ATL2: variants seen among roughly 807,000 people sequenced by gnomAD.
ATL2 encodes atlastin-2.
Under a neutral mutation model 73.9 loss-of-function variants are expected in ATL2, and 31 were observed. The ratio of observed to expected loss-of-function variants is 0.42; its 90% confidence interval spans 0.32 to 0.57. The LOEUF (loss-of-function observed/expected upper bound fraction) is 0.57, where lower values mean the gene tolerates loss of function less well. Among genes scored for constraint, ATL2 ranks in the 20% least tolerant of loss-of-function variants. The pLI is 0.14. For synonymous variants in ATL2, 291 were observed against 237.5 expected, an observed-to-expected ratio of 1.23 and a Z score of -2.07; for missense variants, 738 against 702.6, an observed-to-expected ratio of 1.05 and a Z score of -0.57.
At chr2:38,353,323 C>A (rs932205120) in intron 1 of ATL2, among the ~76,000 whole-genome samples, 1 of 152,090 alleles carries the variant, frequency 6.6e-6, no homozygotes, top group Non-Finnish European at 1.5e-5. Flanking sequence ...GAAATACTCA[C>A]TGGATGGACA....
At chr2:38,309,998 A>G (rs1161033535) in intron 8 of ATL2, among the ~76,000 whole-genome samples, 1 of 152,210 alleles carries the variant, frequency 6.6e-6, no homozygotes, top group Non-Finnish European at 1.5e-5. Flanking sequence ...TTTCATCAAT[A>G]TAATAAAATG....
intron 1 of ATL2, among the ~76,000 whole-genome samples, chr2:38,370,985 A>G (rs985661700): frequency 6.6e-6 from 1 of 151,826 alleles, no homozygotes; most frequent in Non-Finnish European, 1.5e-5. Flanking sequence ...GGAAAAAAAT[A>G]CAAAAAGATA....
In ATL2 at chr2:38,294,205, T is replaced by C. The variant is rs763338978; in HGVS notation, c.*1789A>G. On this transcript the variant is annotated 3_prime_UTR_variant, in exon 13 of 13. Coordinates refer to ENST00000378954, the MANE Select transcript of ATL2 (RefSeq NM_001135673.4). ...GCGAAGATGTATCAACCAAAGTAAA[T>C]TCAGAGTTTTCACACATGCAACTCA... Among the ~76,000 whole-genome samples the C allele has an allele frequency of 6.6e-6, 1 of 152,142 alleles. No individual in the cohort carries two copies. The highest frequency in any genetic ancestry group is 1.5e-5 in the Non-Finnish European group (1 of 68,028).
At chr2:38,298,640 C>G in intron 11 of ATL2, 65 bp from the exon 12 acceptor site, 1 of 1,517,510 alleles carries the variant, frequency 6.6e-7, no homozygotes, top group South Asian at 1.3e-5. Flanking sequence ...AGTTCCTGTT[C>G]ATAGTTTTTA....
At chr2:38,369,219 G>A (rs1671522574) in intron 1 of ATL2, among the ~76,000 whole-genome samples, 1 of 152,062 alleles carries the variant, frequency 6.6e-6, no homozygotes, top group Admixed American at 6.5e-5. Context: ...GGAGGCCAAG[G>A]TGGGTGGATC....
Position 38,363,376 on chromosome 2 carries a change from G to A in ATL2, c.118+13767C>T, listed in dbSNP as rs1266206539. Among the ~76,000 whole-genome samples the A allele has an allele frequency of 6.7e-5, 10 of 149,146 alleles. No individual in the cohort carries two copies. In the Admixed American group the frequency reaches 6.8e-4, roughly 10 times the overall value. The stretch of plus-strand genomic sequence containing the variant: ...AAGTTGTTTATTAAAAAGGTGGGGG[G>A]GGGGGTTATTTATCATCTTTATAAC... On this transcript the variant is annotated intron_variant, in intron 1 of 12. Coordinates refer to ENST00000378954, the MANE Select transcript of ATL2 (RefSeq NM_001135673.4).
At chr2:38,333,928 G>A (rs1326293702) in intron 2 of ATL2, among the ~76,000 whole-genome samples, 1 of 151,410 alleles carries the variant, frequency 6.6e-6, no homozygotes, top group African/African-American at 2.4e-5. Flanking sequence ...GCATAGGGAA[G>A]AATTAAAACT....
chr2:38,300,642 T>A (rs1667137354), intron 9 of ATL2, among the ~76,000 whole-genome samples: 1 of 152,116 alleles, frequency 6.6e-6, no homozygotes, highest in Non-Finnish European at 1.5e-5. Context: ...TTAATATTTT[T>A]AAAAAACTTT....
At position 38,294,615 on chromosome 2, in the gene ATL2, A is replaced by C. The variant is rs1313238929; in HGVS notation, c.*1379T>G. 6.7e-6 allele frequency among the ~76,000 whole-genome samples: 1 copy of C among 150,316 alleles called. No individual in the cohort carries two copies. Among genetic ancestry groups the C allele is most frequent in the African/African-American group, 2.5e-5 (1 of 40,356 alleles). On this transcript the variant is annotated 3_prime_UTR_variant, in exon 13 of 13. Transcript: ENST00000378954. ...CAAAGAAGACCACAAAAGTACTGAAAAAATGCTAGCCTTACATATACCACC... is the reference window on the plus strand; with the variant it reads ...CAAAGAAGACCACAAAAGTACTGAACAAATGCTAGCCTTACATATACCACC...
At chr2:38,296,269 TACTAG>T in intron 12 of ATL2, 156 bp from the exon 13 acceptor site, 1 of 1,437,762 alleles carries the variant, frequency 7.0e-7, no homozygotes, top group Non-Finnish European at 9.1e-7. Context: ...CTTATGATGC[TACTAG>T]ACATTTTATA....
rs1210034133 is a variant in ATL2, at chr2:38,294,529, CAGAG to C, written c.*1461_*1464del. Among the ~76,000 whole-genome samples the C allele has an allele frequency of 2.0e-5, 3 of 151,892 alleles. No homozygotes were observed. The highest frequency in any genetic ancestry group is 2.1e-4 in the South Asian group (1 of 4,822). ...CACCACTGCACTCCAGCCTGGGTGA[CAGAG>C]AGAGACTCCGTCTCAAAAAAGAAAC... On this transcript the variant is annotated 3_prime_UTR_variant, in exon 13 of 13. Transcript: ENST00000378954.
At chr2:38,348,452 G>A (rs958791483) in intron 1 of ATL2, among the ~76,000 whole-genome samples, 2 of 148,648 alleles carry the variant, frequency 1.3e-5, no homozygotes, top group Admixed American at 6.6e-5. Context: ...GGCAACAAGA[G>A]CGAAACTCCA....
intron 1 of ATL2, among the ~76,000 whole-genome samples, chr2:38,372,123 G>GTTTTT (rs371482809): frequency 3.2e-5 from 4 of 125,186 alleles, no homozygotes; most frequent in Non-Finnish European, 3.4e-5. Flanking sequence ...CATGTTAATT[G>GTTTTT]TTTTTTTTTT....
chr2:38,313,444 G>A (rs984227626), intron 6 of ATL2, among the ~76,000 whole-genome samples: 2 of 151,978 alleles, frequency 1.3e-5, no homozygotes, highest in Non-Finnish European at 2.9e-5. Flanking sequence ...CCAAGCAATC[G>A]CTGCCACTGA....
chr2:38,315,138 C>A, intron 5 of ATL2, 146 bp downstream of exon 5: 1 of 740,330 alleles, frequency 1.4e-6, no homozygotes, highest in Non-Finnish European at 1.9e-6. Flanking sequence ...GTAATGCCAG[C>A]TACTTGGGAG....
chr2:38,347,369 G>A (rs1670084081), intron 1 of ATL2, among the ~76,000 whole-genome samples: 1 of 151,916 alleles, frequency 6.6e-6, no homozygotes, highest in Non-Finnish European at 1.5e-5. Context: ...GTCCTGTGTT[G>A]TCCCCTATCT....
intron 1 of ATL2, among the ~76,000 whole-genome samples, chr2:38,362,607 G>C (rs1444513498): frequency 6.6e-6 from 1 of 152,114 alleles, no homozygotes; most frequent in African/African-American, 2.4e-5. Context: ...TGACACAAGG[G>C]GTGAAAGGTC....
intron 1 of ATL2, among the ~76,000 whole-genome samples, chr2:38,349,853 C>T (rs1442342476): frequency 6.6e-6 from 1 of 152,096 alleles, no homozygotes; most frequent in African/African-American, 2.4e-5. Context: ...ATCTAGTCTA[C>T]AGCCTTTTAC....
chr2:38,312,752 T>C (rs1667828078), intron 7 of ATL2, among the ~76,000 whole-genome samples: 1 of 149,444 alleles, frequency 6.7e-6, no homozygotes, highest in Admixed American at 6.6e-5. Flanking sequence ...CCCTTCACCA[T>C]CCGCCATGAT....
Sources: gnomAD v4.1 joint callset for allele counts (sites outside exome capture counted in the v4.1 genomes callset) on GRCh38, gnomAD v4.1.1 for gene constraint, MANE v1.5 for transcripts, NCBI Gene and HGNC (gene_info 2026-07-23, HGNC 2026-07-21) for gene names.